TNS1: variants seen among roughly 807,000 people sequenced by gnomAD.
TNS1 encodes the protein tensin 1, also known as tensin-1.
In TNS1, 62 loss-of-function variants were observed where a neutral mutation model predicts 168.6. That is an observed-to-expected ratio of 0.37 (90% CI 0.30 to 0.45). The LOEUF (loss-of-function observed/expected upper bound fraction) is 0.45, where lower values mean the gene tolerates loss of function less well. Among genes scored for constraint, TNS1 ranks in the 20% least tolerant of loss-of-function variants. The probability of loss-of-function intolerance (pLI) is 1.00; values close to 1 mark genes in which losing one functional copy is unlikely to be tolerated. For synonymous variants in TNS1, 934 were observed against 933.2 expected, an observed-to-expected ratio of 1.00 and a Z score of -0.02; for missense variants, 2,240 against 2,339.4, an observed-to-expected ratio of 0.96 and a Z score of 0.88.
rs540388747 is a variant in TNS1, at chr2:217,847,801, G to A, written c.2716C>T (p.Arg906Trp). The A allele has an allele frequency of 3.1e-5, 49 of 1,602,614 alleles. No homozygotes were observed. In the East Asian group the frequency reaches 3.6e-4, roughly 12 times the overall value. ...HSLGTPEPAP[R>W]ASLESVPPGR... is the part of the protein sequence containing the mutation. ...GGAGGGACAGACTCCAGAGAGGCCCGTGGGGCTGGCTCAGGGGTTCCCAAC... is the reference window on the plus strand; with the variant it reads ...GGAGGGACAGACTCCAGAGAGGCCCATGGGGCTGGCTCAGGGGTTCCCAAC... Residue 906 changes from arginine to tryptophan, a missense_variant, in exon 19 of 33, where the codon CGG becomes TGG. Physicochemically the swap from Arg to Trp is moderately radical, Grantham distance 101 (BLOSUM62 -3). Around this residue, in one of 2 missense-constraint regions of TNS1, gnomAD observed 2,131 missense variants for 2,171.2 expected, o/e 0.98. Coordinates refer to ENST00000682258, the MANE Select transcript of TNS1 (RefSeq NM_001387777.1).
intron 2 of TNS1, among the ~76,000 whole-genome samples, chr2:217,984,127 C>T (rs932556226): frequency 5.9e-5 from 9 of 152,186 alleles, no homozygotes; most frequent in Non-Finnish European, 1.0e-4. Context: ...ACCTGCCAAC[C>T]TACCCTGCAG....
intron 3 of TNS1, among the ~76,000 whole-genome samples, chr2:217,975,156 C>T (rs1457957794): frequency 6.6e-6 from 1 of 152,068 alleles, no homozygotes; most frequent in East Asian, 1.9e-4. Context: ...TACCTGGCAA[C>T]AGCCAACCCC....
chr2:217,889,469 GC>G (rs1951532804), intron 12 of TNS1, among the ~76,000 whole-genome samples: 1 of 152,218 alleles, frequency 6.6e-6, no homozygotes, highest in South Asian at 2.1e-4. Flanking sequence ...CAAATAGGAT[GC>G]TTTGGCCTCC....
rs760311232 is a variant in TNS1 at position 217,836,020 on chromosome 2, T to C, written c.3199A>G (p.Lys1067Glu). ...TIALNPGGRPKEPHLHSYKEA... is the reference protein window; with the variant it reads ...TIALNPGGRPEEPHLHSYKEA... ...GATACAGCTTAAGGACTCACCTCTT[T>C]GGGCCGCCCTCCAGGATTGAGAGCG... The change falls in exon 20 of 33, where the codon AAA becomes GAA. Residue 1067 changes from lysine (K) to glutamate (E), a missense_variant. Transcript: ENST00000682258. The C allele has an allele frequency of 1.9e-6, 3 of 1,612,668 alleles. No homozygotes were observed. Among genetic ancestry groups the C allele is most frequent in the Non-Finnish European group, 2.5e-6 (3 of 1,178,950 alleles).
chr2:217,956,716 G>T (rs1957372329), intron 3 of TNS1, among the ~76,000 whole-genome samples: 1 of 152,152 alleles, frequency 6.6e-6, no homozygotes, highest in African/African-American at 2.4e-5. Flanking sequence ...CTCAGTCAAT[G>T]AGGTCTAGAG....
At chr2:217,850,047 C>G in intron 18 of TNS1, 2 of 985,458 alleles carry the variant, frequency 2.0e-6, no homozygotes, top group Non-Finnish European at 2.4e-6. Flanking sequence ...CCCAGCACTG[C>G]CCACTCCTGA....
At chr2:217,846,341 C>T (rs1163709847) in intron 19 of TNS1, among the ~76,000 whole-genome samples, 4 of 152,188 alleles carry the variant, frequency 2.6e-5, no homozygotes, top group Non-Finnish European at 5.9e-5. Flanking sequence ...GTCCCCACAC[C>T]AGGTCCTGAG....
chr2:217,809,626 T>G, intron 30 of TNS1, 197 bp downstream of exon 30: 1 of 550,496 alleles, frequency 1.8e-6, no homozygotes, highest in Non-Finnish European at 3.2e-6. Flanking sequence ...CATGGATGGG[T>G]GCATGGATGG....
At position 217,995,922 on chromosome 2, in the gene TNS1, G is replaced by C. The variant is rs746669451; in HGVS notation, c.34-4866C>G. On this transcript the variant is annotated intron_variant, in intron 1 of 32. Coordinates refer to ENST00000682258, the MANE Select transcript of TNS1 (RefSeq NM_001387777.1). This position sits in a 1 kb window ranked among gnomAD's most constrained non-coding sequence, Gnocchi z 4.1. ...GCATCAGAGGGCTTTCGTGGCCCTC[G>C]GGGCTTCCTCTCCCTTCCCTCCTTC... Among the ~76,000 whole-genome samples, 5 of 152,164 alleles carry C rather than the reference G, an allele frequency of 3.3e-5. No homozygotes were observed. The highest frequency in any genetic ancestry group is 1.2e-4 in the African/African-American group (5 of 41,424).
chr2:217,932,917 G>A (rs1258975228), intron 3 of TNS1, among the ~76,000 whole-genome samples: 1 of 152,184 alleles, frequency 6.6e-6, no homozygotes, highest in Non-Finnish European at 1.5e-5. Context: ...TCGGGGACTG[G>A]TGTTCTGGAA....
rs184507013 is a variant in TNS1 at position 217,917,860 on chromosome 2, G to C, written c.228+2335C>G. 3.6e-3 allele frequency among the ~76,000 whole-genome samples: 515 copies of C among 141,422 alleles called. 4 individuals carry two copies. The highest frequency in any genetic ancestry group is 4.7e-3 in the Non-Finnish European group (307 of 64,686). The allele number at this position is 141,422 out of a possible 152,430, so 92.8% of individuals were successfully genotyped here. A position where few individuals can be genotyped will look rare whatever the true frequency, so the allele number is the denominator to read the frequency against. ...AAAAAAAAAAAAAAGACTTGCGACT[G>C]GGGGAAAAGCCTTGTGGGTATCTGT... On this transcript the variant is annotated intron_variant, in intron 4 of 32. Coordinates refer to ENST00000682258, the MANE Select transcript of TNS1 (RefSeq NM_001387777.1).
intron 19 of TNS1, chr2:217,841,356 G>T: frequency 1.2e-6 from 1 of 808,258 alleles, no homozygotes; most frequent in Non-Finnish European, 1.5e-6. Context: ...TATGGGGCAA[G>T]GCAGGCACCC....
chr2:217,849,109 G>T (rs1368133167), intron 18 of TNS1, 22 bp from the exon 19 acceptor site: 1 of 1,595,720 alleles, frequency 6.3e-7, no homozygotes, highest in Non-Finnish European at 8.6e-7. Context: ...AGAGCCGGAG[G>T]GGAGACAACA....
At chr2:217,865,639 T>C (rs1230140054) in intron 18 of TNS1, among the ~76,000 whole-genome samples, 3 of 152,138 alleles carry the variant, frequency 2.0e-5, no homozygotes, top group Non-Finnish European at 4.4e-5. Flanking sequence ...GATGTAAAGA[T>C]TGGGCAGTCT....
At chr2:217,878,248 G>T (rs1950369436) in intron 18 of TNS1, among the ~76,000 whole-genome samples, 1 of 152,156 alleles carries the variant, frequency 6.6e-6, no homozygotes, top group Admixed American at 6.5e-5. Flanking sequence ...CTAACAGTCA[G>T]GATGGGTTGA....
chr2:217,984,773 C>A (rs80150536), intron 2 of TNS1, among the ~76,000 whole-genome samples: 3 of 148,534 alleles, frequency 2.0e-5, no homozygotes, highest in African/African-American at 7.5e-5. Context: ...TTTTTCCCCC[C>A]AAGACAGAGT....
intron 3 of TNS1, among the ~76,000 whole-genome samples, chr2:217,954,301 C>T (rs577229518): frequency 4.6e-5 from 7 of 152,272 alleles, no homozygotes; most frequent in East Asian, 1.9e-4. Flanking sequence ...GAATGAGCTG[C>T]GGTCCCCCAT....
intron 19 of TNS1, among the ~76,000 whole-genome samples, chr2:217,845,497 T>C (rs1018051550): frequency 6.6e-6 from 1 of 152,242 alleles, no homozygotes; most frequent in Non-Finnish European, 1.5e-5. Flanking sequence ...ATGACAGGGC[T>C]TGAACCAAAG....
chr2:218,008,130 C>G (rs980963546), intron 1 of TNS1, among the ~76,000 whole-genome samples: 3 of 152,198 alleles, frequency 2.0e-5, no homozygotes, highest in African/African-American at 7.2e-5. Context: ...CCTTCCCCTA[C>G]CGCCCCTTCC....
Sources: allele counts gnomAD v4.1 joint callset (sites outside exome capture counted in the v4.1 genomes callset), GRCh38; gene constraint gnomAD v4.1.1; regional missense constraint gnomAD v4.1.1; non-coding constraint Gnocchi (gnomAD v3.1); transcripts MANE v1.5; gene names NCBI Gene and HGNC (gene_info 2026-07-23, HGNC 2026-07-21).